Variants in PLS1 observed in about 807,000 individuals in gnomAD.
PLS1 encodes the protein plastin-1.
A neutral mutation model predicts 73.7 loss-of-function variants in PLS1; 32 were observed. The ratio of observed to expected loss-of-function variants is 0.43; its 90% CI spans 0.33 to 0.58. PLS1 has a LOEUF of 0.58. PLS1 is among the 20% of genes least tolerant of loss of function. PLS1 has a pLI of 0.04. For synonymous variants in PLS1, 217 were observed against 261.3 expected, an observed-to-expected ratio of 0.83 and a Z score of 1.63; for missense variants, 633 against 740.5, an observed-to-expected ratio of 0.85 and a Z score of 1.68.
intron 1 of PLS1, chr3:142,645,599 C>CAG: frequency 6.6e-6 from 1 of 152,120 alleles, no homozygotes; most frequent in South Asian, 2.1e-4. Flanking sequence ...TGGGTTATTC[C>CAG]AGAGCACTTG....
intron 1 of PLS1, among the ~76,000 whole-genome samples, chr3:142,653,102 C>T (rs542166854): frequency 6.6e-5 from 10 of 152,220 alleles, no homozygotes; most frequent in South Asian, 2.1e-4. Context: ...TGGTAACTGC[C>T]GCCCCTGACT....
Position 142,683,997 on chromosome 3 carries a change from G to A in PLS1, c.580-9G>A. The A allele has an allele frequency of 6.4e-7, 1 of 1,571,300 alleles. No individual in the cohort carries two copies. ...TTCCTCATGTGTACTTTTTTTTTTG[G>A]CAATTCAGGAAAATTTAAACCTAGC... On this transcript the variant is annotated splice_polypyrimidine_tract_variant and intron_variant, in intron 6 of 15. Transcript: ENST00000457734.
intron 1 of PLS1, among the ~76,000 whole-genome samples, chr3:142,600,391 G>A (rs1298077847): frequency 6.6e-6 from 1 of 152,124 alleles, no homozygotes; most frequent in Non-Finnish European, 1.5e-5. Context: ...AGGAGGTGGT[G>A]AGCAATGGCT....
intron 1 of PLS1, among the ~76,000 whole-genome samples, chr3:142,655,463 G>C (rs111627177): frequency 6.6e-6 from 1 of 152,122 alleles, no homozygotes; most frequent in African/African-American, 2.4e-5. Flanking sequence ...GCTCATGCCT[G>C]TAATCCCAGC....
At chr3:142,648,978 A>G (rs942537975) in intron 1 of PLS1, among the ~76,000 whole-genome samples, 5 of 152,070 alleles carry the variant, frequency 3.3e-5, no homozygotes, top group East Asian at 3.8e-4. Context: ...GGACATATAT[A>G]TATTTTTTAC....
chr3:142,628,987 C>A (rs1054305989), intron 1 of PLS1, among the ~76,000 whole-genome samples: 12 of 152,108 alleles, frequency 7.9e-5, no homozygotes, highest in African/African-American at 2.7e-4. Flanking sequence ...GCTTCCTGGA[C>A]CCAGCCTTAG....
At chr3:142,682,400 G>A (rs1236465645) in intron 6 of PLS1, among the ~76,000 whole-genome samples, 6 of 152,172 alleles carry the variant, frequency 3.9e-5, no homozygotes, top group Admixed American at 2.6e-4. Context: ...GAAGACAAGA[G>A]GATAGCACAC....
intron 1 of PLS1, among the ~76,000 whole-genome samples, chr3:142,608,844 C>T (rs1284845103): frequency 6.6e-6 from 1 of 152,172 alleles, no homozygotes; most frequent in Non-Finnish European, 1.5e-5. Context: ...TGCCACATGT[C>T]TTCTGAAAAT....
intron 1 of PLS1, among the ~76,000 whole-genome samples, chr3:142,662,220 A>G (rs941262150): frequency 2.0e-5 from 3 of 152,182 alleles, no homozygotes; most frequent in Non-Finnish European, 2.9e-5. Flanking sequence ...TACACCATGG[A>G]ATACTATGCA....
In PLS1 at chr3:142,711,906, C is replaced by T. The variant is rs373334764; in HGVS notation, c.1789C>T (p.Arg597Trp). ...AISVARKIGARIYALPDDLVE... is the reference protein window; with the variant it reads ...AISVARKIGAWIYALPDDLVE... ...TTCAGTTGCTCGAAAGATCGGTGCC[C>T]GGATATATGCATTACCTGATGACCT... Residue 597 changes from arginine to tryptophan, a missense_variant, in exon 16 of 16, where the codon CGG (arginine) becomes TGG (tryptophan). By Grantham distance (101) the Arg-to-Trp change is moderately radical. Transcript: ENST00000457734. 1.1e-5 allele frequency: 17 copies of T among 1,613,224 alleles called. No homozygotes were observed. The highest frequency in any genetic ancestry group is 8.0e-5 in the African/African-American group (6 of 74,852).
rs533951506 is a variant in PLS1, at chr3:142,665,027, G to A, written c.70+720G>A. On this transcript the variant is annotated intron_variant, in intron 2 of 15. Transcript: ENST00000457734. ...CATGCAAGTGAAAGGTGAACCCAGT[G>A]AAAGGTGAGCACAGTGAATAGACAT... Among the ~76,000 whole-genome samples the A allele has an allele frequency of 1.9e-4, 28 of 150,798 alleles. 1 individual carries two copies. The highest frequency in any genetic ancestry group is 4.2e-4 in the South Asian group (2 of 4,790).
chr3:142,711,455 T>G, intron 14 of PLS1, 46 bp from the exon 15 acceptor site: 1 of 1,394,436 alleles, frequency 7.2e-7, no homozygotes, highest in East Asian at 2.3e-5. Context: ...TAATGAAAAT[T>G]AAAGGTCAGA....
intron 1 of PLS1, among the ~76,000 whole-genome samples, chr3:142,641,188 T>A (rs1379830327): frequency 1.4e-5 from 2 of 145,548 alleles, no homozygotes; most frequent in African/African-American, 2.5e-5. Context: ...TATATATATA[T>A]AATCTGTCTA....
rs2038408897 is a variant in PLS1 at position 142,704,515 on chromosome 3, G to A, written c.1558G>A (p.Glu520Lys). The A allele has an allele frequency of 8.2e-6, 13 of 1,593,764 alleles. No homozygotes were observed. Among genetic ancestry groups the A allele is most frequent in the Non-Finnish European group, 1.1e-5 (13 of 1,164,192 alleles). ...DLGEGEKVND[E>K]IIIKWVNQTL... ...TGGAGAGGGTGAAAAAGTAAATGAT[G>A]AAATTATAATTAAATGGGTCAATCA... Residue 520 changes from glutamate (E) to lysine (K), a missense_variant, in exon 14 of 16, where the codon GAA (glutamate) becomes AAA (lysine). Physicochemically the swap from Glu to Lys is moderately conservative, Grantham distance 56. Transcript: ENST00000457734.
At chr3:142,618,889 G>A (rs1392985153) in intron 1 of PLS1, among the ~76,000 whole-genome samples, 1 of 152,048 alleles carries the variant, frequency 6.6e-6, no homozygotes, top group Non-Finnish European at 1.5e-5. Flanking sequence ...GCAAAAATCT[G>A]TTTTGCCATG....
At chr3:142,603,435 C>T (rs1005268723) in intron 1 of PLS1, among the ~76,000 whole-genome samples, 16 of 152,244 alleles carry the variant, frequency 1.1e-4, no homozygotes, top group African/African-American at 1.9e-4. Flanking sequence ...TCAGACTTTA[C>T]GATAAACTAA....
chr3:142,710,818 C>A (rs983710566), intron 14 of PLS1, among the ~76,000 whole-genome samples: 1 of 152,036 alleles, frequency 6.6e-6, no homozygotes, highest in Non-Finnish European at 1.5e-5. Context: ...ATCTGCAGTG[C>A]GCTATTCACT....
chr3:142,669,803 C>G (rs1269845778), intron 3 of PLS1, among the ~76,000 whole-genome samples: 1 of 152,094 alleles, frequency 6.6e-6, no homozygotes, highest in Non-Finnish European at 1.5e-5. Context: ...AATTCATTCC[C>G]TAGAATAACT....
chr3:142,681,280 A>C (rs2037847778), intron 6 of PLS1, among the ~76,000 whole-genome samples: 1 of 152,084 alleles, frequency 6.6e-6, no homozygotes, highest in Admixed American at 6.6e-5. Flanking sequence ...AGTGACCAAA[A>C]AAAGGTCATG....
Sources: gnomAD v4.1 joint callset for allele counts (sites outside exome capture counted in the v4.1 genomes callset) on GRCh38, gnomAD v4.1.1 for gene constraint, MANE v1.5 for transcripts, NCBI Gene and HGNC (gene_info 2026-07-23, HGNC 2026-07-21) for gene names.